FHIT: variants seen among roughly 807,000 people sequenced by gnomAD.
The protein encoded by FHIT is fragile histidine triad diadenosine triphosphatase.
Under a neutral mutation model 17.9 loss-of-function variants are expected in FHIT, and 19 were observed. The ratio of observed to expected loss-of-function variants is 1.06; its 90% CI spans 0.74 to 1.56. The LOEUF (loss-of-function observed/expected upper bound fraction) is 1.56. Among genes scored for constraint, FHIT ranks in the 40% most tolerant of loss-of-function variants. The pLI, the probability that FHIT is intolerant of heterozygous loss-of-function variation, is 0.00. For synonymous variants in FHIT, 81 were observed against 69.7 expected, an observed-to-expected ratio of 1.16 and a Z score of -0.81; for missense variants, 248 against 189.2, an observed-to-expected ratio of 1.31 and a Z score of -1.82.
intron 3 of FHIT, among the ~76,000 whole-genome samples, chr3:60,901,300 T>G (rs115743218): frequency 6.6e-6 from 1 of 152,226 alleles, no homozygotes; most frequent in African/African-American, 2.4e-5. Flanking sequence ...TCACTAAGTA[T>G]GTTGACATTC....
intron 4 of FHIT, among the ~76,000 whole-genome samples, chr3:60,568,306 A>G (rs972304729): frequency 6.6e-5 from 10 of 152,182 alleles, no homozygotes; most frequent in Non-Finnish European, 1.5e-4. Context: ...TATCCTTTAT[A>G]GGGACATGGA....
chr3:60,283,248 C>A (rs565894229), intron 5 of FHIT, among the ~76,000 whole-genome samples: 2 of 152,224 alleles, frequency 1.3e-5, no homozygotes, highest in South Asian at 4.1e-4. Flanking sequence ...CACACATACA[C>A]ACACACATAC....
At chr3:60,960,147 G>C (rs2107492326) in intron 3 of FHIT, among the ~76,000 whole-genome samples, 1 of 152,210 alleles carries the variant, frequency 6.6e-6, no homozygotes, top group South Asian at 2.1e-4. Flanking sequence ...AAAGAGAGTT[G>C]TGTTTCAAGC....
intron 3 of FHIT, among the ~76,000 whole-genome samples, chr3:60,950,675 C>A (rs1708839331): frequency 6.6e-6 from 1 of 150,822 alleles, no homozygotes; most frequent in South Asian, 2.1e-4. Context: ...CACCACCACA[C>A]CTGGCTAATT....
At chr3:60,241,513 G>A (rs1456992324) in intron 5 of FHIT, among the ~76,000 whole-genome samples, 4 of 152,028 alleles carry the variant, frequency 2.6e-5, no homozygotes, top group African/African-American at 4.8e-5. Context: ...TCTATGTAAA[G>A]GTACTATCTT....
At chr3:61,013,725 C>G (rs925797923) in intron 3 of FHIT, among the ~76,000 whole-genome samples, 1 of 152,120 alleles carries the variant, frequency 6.6e-6, no homozygotes, top group African/African-American at 2.4e-5. Flanking sequence ...TAGAAGATGG[C>G]TAAATTTTAT....
At chr3:60,567,857 ACG>A (rs2037197707) in intron 4 of FHIT, among the ~76,000 whole-genome samples, 2 of 152,162 alleles carry the variant, frequency 1.3e-5, no homozygotes, top group African/African-American at 4.8e-5. Context: ...CGTGAAAAAA[ACG>A]CTCATCATCA....
At chr3:60,659,712 C>A (rs2040196523) in intron 4 of FHIT, among the ~76,000 whole-genome samples, 1 of 152,048 alleles carries the variant, frequency 6.6e-6, no homozygotes, top group Non-Finnish European at 1.5e-5. Context: ...TTTTGAGCAT[C>A]TTTAAGATAC....
In FHIT at chr3:60,471,987, T is replaced by C. The variant is rs116189527; in HGVS notation, c.103+64873A>G. On this transcript the variant is annotated intron_variant, in intron 5 of 9. Coordinates refer to ENST00000492590, the MANE Select transcript of FHIT (RefSeq NM_002012.4). ...AACCTAATTGCATGCCACAATTACA[T>C]AGTGAGTTTTCATCTTTTAAATCAA... Among the ~76,000 whole-genome samples, 189 of 152,308 alleles carry C rather than the reference T, an allele frequency of 1.2e-3. 2 individuals are homozygous for C. The highest frequency in any genetic ancestry group is 1.9e-3 in the Non-Finnish European group (129 of 68,032).
chr3:59,991,873 C>G (rs1699285086), intron 7 of FHIT, among the ~76,000 whole-genome samples: 1 of 152,038 alleles, frequency 6.6e-6, no homozygotes, highest in Non-Finnish European at 1.5e-5. Flanking sequence ...AACACAGAGT[C>G]TTGAGTCCCT....
At chr3:60,457,644 A>C (rs187202526) in intron 5 of FHIT, among the ~76,000 whole-genome samples, 3,939 of 152,192 alleles carry the variant, frequency 0.026, 81 homozygotes, top group South Asian at 0.078. Context: ...GTGAACAGGC[A>C]ACCTACAGAA....
At chr3:59,988,176 C>G (rs982142577) in intron 7 of FHIT, among the ~76,000 whole-genome samples, 8 of 152,036 alleles carry the variant, frequency 5.3e-5, no homozygotes, top group African/African-American at 1.2e-4. Context: ...CAAAATTGAG[C>G]AAGAGATACT....
intron 7 of FHIT, among the ~76,000 whole-genome samples, chr3:59,926,639 G>T (rs980120771): frequency 6.6e-6 from 1 of 152,182 alleles, no homozygotes; most frequent in African/African-American, 2.4e-5. Context: ...ATTTCAAAGA[G>T]TGTATCACTA....
chr3:60,789,946 C>G (rs1232610797), intron 4 of FHIT, among the ~76,000 whole-genome samples: 2 of 152,084 alleles, frequency 1.3e-5, no homozygotes, highest in Non-Finnish European at 2.9e-5. Flanking sequence ...ACAGTTTTCC[C>G]AGAAGTGTAG....
At chr3:60,014,717 G>A (rs761704621) in intron 5 of FHIT, among the ~76,000 whole-genome samples, 23 of 152,286 alleles carry the variant, frequency 1.5e-4, no homozygotes, top group Non-Finnish European at 2.5e-4. Flanking sequence ...AACTAAGAGA[G>A]GTGCCATGTG....
intron 8 of FHIT, among the ~76,000 whole-genome samples, chr3:59,885,482 T>A (rs1389929471): frequency 6.6e-6 from 1 of 151,578 alleles, no homozygotes; most frequent in East Asian, 1.9e-4. Flanking sequence ...TCTGATTTGA[T>A]TTGGTCCAAG....
intron 5 of FHIT, among the ~76,000 whole-genome samples, chr3:60,178,856 C>G (rs1197080001): frequency 6.6e-6 from 1 of 152,090 alleles, no homozygotes; most frequent in Non-Finnish European, 1.5e-5. Context: ...CTGAGAAGTT[C>G]TGCAGTAAAG....
chr3:60,806,951 G>C (rs375050995), intron 4 of FHIT, among the ~76,000 whole-genome samples: 2 of 152,246 alleles, frequency 1.3e-5, no homozygotes, highest in African/African-American at 4.8e-5. Flanking sequence ...CTAGCCAGTT[G>C]ACCCAGAAAC....
chr3:60,514,322 T>C (rs1005610881), intron 5 of FHIT, among the ~76,000 whole-genome samples: 2 of 152,242 alleles, frequency 1.3e-5, no homozygotes, highest in African/African-American at 4.8e-5. Flanking sequence ...CTGCTTCTGC[T>C]GGAGAGAAGC....
Sources: gnomAD v4.1 joint callset for allele counts (sites outside exome capture counted in the v4.1 genomes callset) on GRCh38, gnomAD v4.1.1 for gene constraint, MANE v1.5 for transcripts, NCBI Gene and HGNC (gene_info 2026-07-23, HGNC 2026-07-21) for gene names.